Variants in CHST15 observed in about 807,000 individuals in gnomAD.
CHST15 encodes carbohydrate sulfotransferase 15, also known as B cell RAG associated protein (GALNAC4S-6ST).
CHST15 carries 30 observed loss-of-function variants against 53.6 expected under a neutral mutation model. The observed-to-expected ratio is 0.56, with a 90% CI of 0.42 to 0.76. The LOEUF (loss-of-function observed/expected upper bound fraction) is 0.76. CHST15 is among the 30% of genes least tolerant of loss of function. The probability of loss-of-function intolerance (pLI) is 0.00; values close to 1 mark genes in which losing one functional copy is unlikely to be tolerated. For synonymous variants in CHST15, 296 were observed against 289.8 expected, an observed-to-expected ratio of 1.02 and a Z score of -0.22; for missense variants, 627 against 740.5, an observed-to-expected ratio of 0.85 and a Z score of 1.78.
At chr10:124,043,552 G>A (rs557252709) in intron 3 of CHST15, among the ~76,000 whole-genome samples, 3 of 152,216 alleles carry the variant, frequency 2.0e-5, no homozygotes, top group Non-Finnish European at 2.9e-5. Flanking sequence ...TGGCCTGCCA[G>A]GACTCTGGTT....
chr10:124,027,400 T>G (rs1239889521), intron 5 of CHST15, among the ~76,000 whole-genome samples: 1 of 152,038 alleles, frequency 6.6e-6, no homozygotes, highest in Non-Finnish European at 1.5e-5. Flanking sequence ...TCTGGATGAT[T>G]ACAGCCAAGA....
chr10:124,021,000 A>C (rs1590192079), intron 6 of CHST15: 2 of 1,419,716 alleles, frequency 1.4e-6, no homozygotes, highest in Non-Finnish European at 9.2e-7. Context: ...TCCTAAAGGC[A>C]CCCTCATCCT....
chr10:124,087,970 C>T (rs1476636913), intron 1 of CHST15, among the ~76,000 whole-genome samples: 1 of 152,238 alleles, frequency 6.6e-6, no homozygotes, highest in Non-Finnish European at 1.5e-5. Context: ...GTGAAGCCAC[C>T]ACCCTAAGGA....
intron 1 of CHST15, among the ~76,000 whole-genome samples, chr10:124,065,984 C>T (rs1056102036): frequency 3.9e-5 from 6 of 152,126 alleles, no homozygotes; most frequent in Non-Finnish European, 7.3e-5. Context: ...AACTTGGAAA[C>T]GTTTCAAAAG....
chr10:124,035,342 CT>C (rs1947444656), intron 5 of CHST15, among the ~76,000 whole-genome samples: 1 of 148,586 alleles, frequency 6.7e-6, no homozygotes, highest in Non-Finnish European at 1.5e-5. Flanking sequence ...GGCTCCACCC[CT>C]AACAGGGACC....
chr10:124,045,942 A>G lies in CHST15; in HGVS notation c.271T>C (p.Leu91=). 6.2e-7 allele frequency: 1 copy of G among 1,613,994 alleles called. No homozygotes were observed. The highest frequency in any genetic ancestry group is 8.5e-7 in the Non-Finnish European group (1 of 1,179,990). Residue 91 remains leucine (L), a synonymous_variant, in exon 2 of 8, where the codon TTG becomes CTG. Transcript: ENST00000435907. ...GAAAGGATGTAAGAAGCCATTACCA[A>G]GGTCATTATTATCAGTCCAAAAACG... ...SLVFGLIIMT[L]VMASYILSGA... is the part of the protein sequence containing the mutation.
At chr10:124,079,985 C>T (rs762134609) in intron 1 of CHST15, among the ~76,000 whole-genome samples, 2 of 152,172 alleles carry the variant, frequency 1.3e-5, no homozygotes, top group Non-Finnish European at 2.9e-5. Flanking sequence ...CACCCCAAGA[C>T]GTACCCCCTC....
Position 124,010,072 on chromosome 10 carries a change from T to C in CHST15, c.*77A>G. On this transcript the variant is annotated 3_prime_UTR_variant, in exon 8 of 8. Transcript: ENST00000435907. Reference sequence around the variant, plus strand: ...GTTTTCCATACCATGAGTGAAACAGTTCCCCGCAAAGAGATTTGTAAAATC... The same window carrying C: ...GTTTTCCATACCATGAGTGAAACAGCTCCCCGCAAAGAGATTTGTAAAATC... 1 of 1,607,598 alleles carries C rather than the reference T, an allele frequency of 6.2e-7. No homozygotes were observed. Among genetic ancestry groups the C allele is most frequent in the Non-Finnish European group, 8.5e-7 (1 of 1,177,516 alleles).
At chr10:124,012,288 C>T (rs1478333278) in intron 7 of CHST15, 45 bp downstream of exon 7, 8 of 1,585,562 alleles carry the variant, frequency 5.0e-6, no homozygotes, top group East Asian at 2.2e-5. Flanking sequence ...AACAAGTCCA[C>T]GGAGCTCATG....
intron 5 of CHST15, among the ~76,000 whole-genome samples, chr10:124,035,110 G>A (rs1374059836): frequency 1.6e-5 from 2 of 128,662 alleles, no homozygotes; most frequent in African/African-American, 3.2e-5. Flanking sequence ...CAGGGACCCC[G>A]GCTCCGCCCC....
intron 5 of CHST15, among the ~76,000 whole-genome samples, chr10:124,027,049 T>C (rs760206151): frequency 2.0e-5 from 3 of 152,188 alleles, no homozygotes; most frequent in South Asian, 4.1e-4. Flanking sequence ...CTCATTTTCT[T>C]ACTCTCAAAC....
chr10:124,088,074 A>T (rs1276092283), intron 1 of CHST15, among the ~76,000 whole-genome samples: 1 of 152,190 alleles, frequency 6.6e-6, no homozygotes, highest in East Asian at 1.9e-4. Flanking sequence ...CACGGTTAGG[A>T]GCTCCGGGGC....
intron 7 of CHST15, chr10:124,010,678 G>A (rs527621601): frequency 1.0e-5 from 10 of 985,438 alleles, no homozygotes; most frequent in East Asian, 1.1e-4. Context: ...GTGTCAGCCC[G>A]TCCTTGGAGG....
chr10:124,027,252 C>T (rs1429750098), intron 5 of CHST15, among the ~76,000 whole-genome samples: 1 of 152,104 alleles, frequency 6.6e-6, no homozygotes, highest in Non-Finnish European at 1.5e-5. Context: ...GGTCCTGGGA[C>T]CCCTGGAGGA....
chr10:124,040,826 C>T (rs1947704133), intron 4 of CHST15, among the ~76,000 whole-genome samples: 1 of 152,264 alleles, frequency 6.6e-6, no homozygotes, highest in African/African-American at 2.4e-5. Flanking sequence ...AAGTAAATAT[C>T]AGCACAGTGA....
At chr10:124,069,331 C>T (rs28689593) in intron 1 of CHST15, among the ~76,000 whole-genome samples, 4,745 of 152,058 alleles carry the variant, frequency 0.031, 279 homozygotes, top group East Asian at 0.21. Context: ...ATTCAAGAGT[C>T]TTGCAAAGTT....
At chr10:124,026,058 G>A (rs1337958967) in intron 5 of CHST15, among the ~76,000 whole-genome samples, 4 of 152,200 alleles carry the variant, frequency 2.6e-5, no homozygotes, top group Non-Finnish European at 5.9e-5. Context: ...CCAATTCTAA[G>A]GAAGACCAAT....
chr10:124,029,872 C>A (rs940799419), intron 5 of CHST15, among the ~76,000 whole-genome samples: 1 of 152,180 alleles, frequency 6.6e-6, no homozygotes, highest in African/African-American at 2.4e-5. Context: ...ACTGTGGCTG[C>A]CCCAGGGTCG....
At position 124,044,766 on chromosome 10, in the gene CHST15, T is replaced by C. The variant is rs143626003; in HGVS notation, c.700A>G (p.Lys234Glu). Residue 234 changes from lysine to glutamate, a missense_variant, in exon 3 of 8, where the codon AAG becomes GAG. Lys to Glu is a moderately conservative substitution (Grantham distance 56). Around this residue, in one of 3 missense-constraint regions of CHST15, gnomAD observed 161 missense variants for 117.2 expected, o/e 1.37. Coordinates refer to ENST00000435907, the MANE Select transcript of CHST15 (RefSeq NM_001270764.2). ...RFRSTFDALR[K>E]AFWGHLAHAH... ...TGCGCCAGGTGGCCCCAGAAGGCCT[T>C]GCGCAGGGCGTCGAAGGTGGAGCGG... is the stretch of plus-strand genomic sequence containing the variant. The C allele has an allele frequency of 8.7e-6, 14 of 1,612,222 alleles. No individual in the cohort carries two copies. The highest frequency in any genetic ancestry group is 1.2e-5 in the Non-Finnish European group (14 of 1,179,216).
Sources: allele counts gnomAD v4.1 joint callset (sites outside exome capture counted in the v4.1 genomes callset), GRCh38; gene constraint gnomAD v4.1.1; regional missense constraint gnomAD v4.1.1; transcripts MANE v1.5; gene names NCBI Gene and HGNC (gene_info 2026-07-23, HGNC 2026-07-21).